DDHD2: variants seen among roughly 807,000 people sequenced by gnomAD.
DDHD2 encodes the protein DDHD domain containing 2.
Under a neutral mutation model 91.2 loss-of-function variants are expected in DDHD2, and 62 were observed. The ratio of observed to expected loss-of-function variants is 0.68; its 90% CI spans 0.55 to 0.84. DDHD2 has a LOEUF of 0.84. Ranked by LOEUF, DDHD2 falls within the 40% of genes least tolerant of loss-of-function variation. The pLI, the probability that DDHD2 is intolerant of heterozygous loss-of-function variation, is 0.00. For synonymous variants in DDHD2, 271 were observed against 293.9 expected, an observed-to-expected ratio of 0.92 and a Z score of 0.80; for missense variants, 740 against 846.9, an observed-to-expected ratio of 0.87 and a Z score of 1.57.
At chr8:38,243,226 T>G (rs1805378363) in intron 7 of DDHD2, among the ~76,000 whole-genome samples, 1 of 152,216 alleles carries the variant, frequency 6.6e-6, no homozygotes, top group Non-Finnish European at 1.5e-5. Context: ...TCTGGGAATT[T>G]TAAGAAACCT....
chr8:38,238,488 T>C (rs1804980943), intron 5 of DDHD2: 25 of 1,133,190 alleles, frequency 2.2e-5, no homozygotes, highest in Non-Finnish European at 2.6e-5. Flanking sequence ...TTCCAAGAAG[T>C]GTGATTCCAC....
At chr8:38,245,128 CTT>C (rs1353619742) in intron 7 of DDHD2, among the ~76,000 whole-genome samples, 1 of 151,706 alleles carries the variant, frequency 6.6e-6, no homozygotes, top group African/African-American at 2.4e-5. Flanking sequence ...GTTGATATGT[CTT>C]TTATTATAAG....
chr8:38,238,156 G>A lies in DDHD2; in HGVS notation c.569G>A (p.Arg190Gln), dbSNP rs1201437383. 8 of 1,613,956 alleles carry A rather than the reference G, an allele frequency of 5.0e-6. No homozygotes were observed. The highest frequency in any genetic ancestry group is 5.9e-6 in the Non-Finnish European group (7 of 1,179,996). The change falls in exon 5 of 18, where the codon CGA becomes CAA. Residue 190 changes from arginine (R) to glutamine (Q), a missense_variant. Arg to Gln is a conservative substitution (Grantham distance 43, BLOSUM62 1). Coordinates refer to ENST00000397166, the MANE Select transcript of DDHD2 (RefSeq NM_015214.3). ...GGTTCAACACCCACGGAGCAGGGTC[G>A]ACCAAGAACTGTGAAGAGAGGAGTT... ...DWGSTPTEQGRPRTVKRGVEN... is the reference protein window; with the variant it reads ...DWGSTPTEQGQPRTVKRGVEN...
chr8:38,260,208 C>T (rs1185974406), intron 17 of DDHD2, 61 bp downstream of exon 17: 23 of 925,850 alleles, frequency 2.5e-5, no homozygotes, highest in Middle Eastern at 2.3e-4. Context: ...TTATAATGAA[C>T]TATGGAGCCT....
chr8:38,245,879 G>A lies in DDHD2; in HGVS notation c.986G>A (p.Arg329Gln), dbSNP rs552644015. 42 of 1,614,086 alleles carry A rather than the reference G, an allele frequency of 2.6e-5. No homozygotes were observed. The highest frequency in any genetic ancestry group is 1.0e-4 in the Admixed American group (6 of 60,006). The change falls in exon 8 of 18, where the codon CGA becomes CAA. Residue 329 changes from arginine (R) to glutamine (Q), a missense_variant. Physicochemically the swap from Arg to Gln is conservative, Grantham distance 43. Around this residue, in one of 2 missense-constraint regions of DDHD2, gnomAD observed 693 missense variants for 764.2 expected, o/e 0.91. Transcript: ENST00000397166. ...IVDTVASEMN[R>Q]IYTLFLQRNP... ...GACACAGTTGCTTCTGAAATGAACC[G>A]AATATACACACTTTTTCTACAGAGG...
Position 38,255,866 on chromosome 8 carries a change from A to G in DDHD2, c.2054+2148A>G, listed in dbSNP as rs528868392. On this transcript the variant is annotated intron_variant, in intron 16 of 17. Coordinates refer to ENST00000397166, the MANE Select transcript of DDHD2 (RefSeq NM_015214.3). ...TGTAAAATACTTCGAATTGAAATCA[A>G]TGGCATAAAGGGTATATACATTTGT... 4.5e-4 allele frequency among the ~76,000 whole-genome samples: 68 copies of G among 152,322 alleles called. No homozygotes were observed. In the South Asian group the frequency reaches 9.7e-3, roughly 22 times the overall value.
At chr8:38,272,986 T>C (rs967979014), downstream of DDHD2, 4 of 152,338 alleles carry the variant, frequency 2.6e-5, no homozygotes, top group East Asian at 3.9e-4. Context: ...AAAACCGCTT[T>C]TTAGACCATT....
chr8:38,243,864 GC>G (rs1253926703), intron 7 of DDHD2, among the ~76,000 whole-genome samples: 5 of 151,084 alleles, frequency 3.3e-5, no homozygotes, highest in Admixed American at 2.0e-4. Flanking sequence ...GAGTGCAGTG[GC>G]GTGATCTCAG....
Position 38,269,012 on chromosome 8 carries a change from C to T in DDHD2, n.88-2110C>T, listed in dbSNP as rs747755134. Reference sequence around the variant, plus strand: ...CACCCTAGAGGGGAACAAAGAAGCGCAGAGCAGGTCGCCTGGCTTCCTCCC... The same window carrying T: ...CACCCTAGAGGGGAACAAAGAAGCGTAGAGCAGGTCGCCTGGCTTCCTCCC... On this transcript the variant is annotated intron_variant and non_coding_transcript_variant, in intron 1 of 1. Transcript: ENST00000526071. The T allele has an allele frequency of 8.3e-6, 13 of 1,558,612 alleles. 1 individual carries two copies. The South Asian group carries it at 1.4e-4, about 17-fold the overall frequency.
Position 38,252,193 on chromosome 8 carries a change from C to T in DDHD2, c.1523C>T (p.Pro508Leu). The T allele has an allele frequency of 1.2e-6, 2 of 1,614,138 alleles. No homozygotes were observed. The highest frequency in any genetic ancestry group is 1.7e-6 in the Non-Finnish European group (2 of 1,180,020). The change falls in exon 13 of 18, where the codon CCC (proline) becomes CTC (leucine). Residue 508 changes from proline (P) to leucine (L), a missense_variant. Pro to Leu is a moderately conservative substitution (Grantham distance 98, BLOSUM62 -3). Coordinates refer to ENST00000397166, the MANE Select transcript of DDHD2 (RefSeq NM_015214.3). ...KPEIFFAFGS[P>L]IGMFLTVRGL... ...GAGATATTCTTTGCCTTTGGATCTC[C>T]CATTGGAATGTTCCTTACTGTCCGA...
intron 3 of DDHD2, 81 bp downstream of exon 3, chr8:38,234,665 G>C (rs1804564542): frequency 8.2e-7 from 1 of 1,215,544 alleles, no homozygotes; most frequent in Admixed American, 2.8e-5. Flanking sequence ...TTTATTTTGT[G>C]AAATTTCCAG....
intron 16 of DDHD2, among the ~76,000 whole-genome samples, chr8:38,255,588 C>A (rs1464767028): frequency 1.3e-5 from 2 of 151,992 alleles, no homozygotes; most frequent in Non-Finnish European, 2.9e-5. Context: ...TATATTCTTT[C>A]CCTTATTTTA....
chr8:38,236,928 G>T (rs1804818979), intron 3 of DDHD2, among the ~76,000 whole-genome samples: 1 of 151,904 alleles, frequency 6.6e-6, no homozygotes, highest in Non-Finnish European at 1.5e-5. Context: ...GCCTCCCAAA[G>T]TATTGTGATT....
At chr8:38,267,557 G>T, downstream of DDHD2, 1 of 759,002 alleles carries the variant, frequency 1.3e-6, no homozygotes, top group Non-Finnish European at 2.0e-6. Context: ...AGCCTTTCAA[G>T]GTGAGCATTT....
chr8:38,268,281 G>T (rs1808024356), intron 1 of DDHD2: 1 of 1,216,324 alleles, frequency 8.2e-7, no homozygotes, highest in Non-Finnish European at 1.2e-6. Flanking sequence ...GAACTCAGTG[G>T]CCTCCACACA....
intron 5 of DDHD2, chr8:38,238,727 A>T: frequency 2.1e-6 from 2 of 931,290 alleles, no homozygotes; most frequent in Non-Finnish European, 2.6e-6. Flanking sequence ...TTCAGGCTTT[A>T]AAAACATACC....
chr8:38,264,064 A>T, downstream of DDHD2: 1 of 989,932 alleles, frequency 1.0e-6, no homozygotes, highest in Non-Finnish European at 1.2e-6. Flanking sequence ...TGCACCTTGG[A>T]AGGGGAAAAA....
At chr8:38,268,173 C>CCTAA in intron 1 of DDHD2, 1 of 1,234,010 alleles carries the variant, frequency 8.1e-7, no homozygotes, top group Non-Finnish European at 1.1e-6. Flanking sequence ...TAACCCAGTG[C>CCTAA]ATTTAGGCAC....
intron 1 of DDHD2, chr8:38,270,618 T>C (rs1808424890): frequency 6.6e-6 from 1 of 152,208 alleles, no homozygotes; most frequent in Non-Finnish European, 1.5e-5. Flanking sequence ...ATACCTTATA[T>C]AGGTCATCTG....
Sources: allele counts gnomAD v4.1 joint callset (sites outside exome capture counted in the v4.1 genomes callset), GRCh38; gene constraint gnomAD v4.1.1; regional missense constraint gnomAD v4.1.1; transcripts MANE v1.5; gene names NCBI Gene and HGNC (gene_info 2026-07-23, HGNC 2026-07-21).